Variants in PLXNA1 observed in about 807,000 individuals in gnomAD.
The protein encoded by PLXNA1 is plexin A1.
Under a neutral mutation model 191.7 loss-of-function variants are expected in PLXNA1, and 77 were observed. That is an observed-to-expected ratio of 0.40 (90% CI 0.33 to 0.49). The LOEUF is 0.49. Ranked by LOEUF, PLXNA1 falls within the 20% of genes least tolerant of loss-of-function variation. PLXNA1 has a pLI of 0.63. For synonymous variants in PLXNA1, 1,137 were observed against 1,156.4 expected (o/e 0.98, Z 0.34); for missense variants, 2,110 against 2,660.2 (o/e 0.79, Z 4.55).
chr3:126,997,123 G>A (rs951517066), intron 3 of PLXNA1, among the ~76,000 whole-genome samples: 8 of 152,190 alleles, frequency 5.3e-5, no homozygotes, highest in African/African-American at 1.7e-4. Context: ...GCTGTGGTGC[G>A]TGCCATGTCC....
intron 4 of PLXNA1, 26 bp from the exon 5 acceptor site, chr3:127,004,585 G>T: frequency 6.5e-7 from 1 of 1,529,064 alleles, no homozygotes. Context: ...TGGTACTGGA[G>T]GGGCCTGACA....
intron 23 of PLXNA1, among the ~76,000 whole-genome samples, chr3:127,025,728 T>C (rs1436864385): frequency 6.6e-6 from 1 of 152,218 alleles, no homozygotes; most frequent in East Asian, 1.9e-4. Context: ...CTTAATTTCA[T>C]CAGCTTAATG....
At chr3:127,029,171 G>A (rs1168863376) in intron 26 of PLXNA1, 75 bp downstream of exon 26, 2 of 1,193,620 alleles carry the variant, frequency 1.7e-6, no homozygotes. Context: ...ACCAATGTTT[G>A]CAGCATGTGG....
At chr3:126,988,430 C>G (rs2078971709) in intron 1 of PLXNA1, among the ~76,000 whole-genome samples, 91 bp from the exon 2 acceptor site, 1 of 152,236 alleles carries the variant, frequency 6.6e-6, no homozygotes, top group Admixed American at 6.5e-5. Context: ...AGTGGGCACG[C>G]CCAGCACTGG....
At chr3:127,010,035 C>G (rs9853775) in intron 9 of PLXNA1, among the ~76,000 whole-genome samples, 5,137 of 152,280 alleles carry the variant, frequency 0.034, 294 homozygotes, top group African/African-American at 0.11. Context: ...TCTATAGACT[C>G]CTTGCTTGAA....
In PLXNA1 at chr3:127,030,416, A is replaced by T; in HGVS notation, c.5231+4A>T. On this transcript the variant is annotated splice_donor_region_variant and intron_variant, in intron 29 of 31. Coordinates refer to ENST00000393409, the MANE Select transcript of PLXNA1 (RefSeq NM_032242.4). Reference sequence around the variant, plus strand: ...GCCACACCTGGAAGAGCAACTGGTAATGCAGGGCAGGGGGAGGAGGGGCAT... The same window carrying T: ...GCCACACCTGGAAGAGCAACTGGTATTGCAGGGCAGGGGGAGGAGGGGCAT... 3 of 1,613,676 alleles carry T rather than the reference A, an allele frequency of 1.9e-6. No individual in the cohort carries two copies. Among genetic ancestry groups the T allele is most frequent in the South Asian group, 2.2e-5 (2 of 91,072 alleles).
intron 1 of PLXNA1, among the ~76,000 whole-genome samples, chr3:126,983,647 AGCTCCGGGGTGGCGGGGGGCGGGC>A (rs2078942832): frequency 6.7e-6 from 1 of 149,510 alleles, no homozygotes; most frequent in African/African-American, 2.4e-5. Flanking sequence ...GCCCCGCGGC[AGCTCCGGGGTGGCGGGGGGCGGGC>A]GCTGCCCCTC....
At chr3:127,017,071 C>CAGGTGA in intron 17 of PLXNA1, 34 bp downstream of exon 17, 1 of 1,570,526 alleles carries the variant, frequency 6.4e-7, no homozygotes, top group Non-Finnish European at 8.7e-7. Flanking sequence ...CACCTCGGTC[C>CAGGTGA]AGGCCTTCAC....
At chr3:127,012,663 G>T (rs73196554) in intron 10 of PLXNA1, among the ~76,000 whole-genome samples, 12 of 152,236 alleles carry the variant, frequency 7.9e-5, no homozygotes, top group Admixed American at 7.8e-4. Context: ...ACTAGCAGAC[G>T]GTTGTTGCCT....
In PLXNA1 at chr3:127,018,410, C is replaced by A; in HGVS notation, c.3777C>A (p.Val1259=). ...GAGGCGGGGGTCTCCTGCTGCTGGTCATCGTGGCTGTGCTCATCGCCTACA... is the reference window on the plus strand; with the variant it reads ...GAGGCGGGGGTCTCCTGCTGCTGGTAATCGTGGCTGTGCTCATCGCCTACA... ...IGGGGGLLLL[V]IVAVLIAYKR... Residue 1259 remains valine, a synonymous_variant, in exon 20 of 32, where the codon GTC becomes GTA. Transcript: ENST00000393409. The A allele has an allele frequency of 6.2e-7, 1 of 1,613,086 alleles. No homozygotes were observed. The highest frequency in any genetic ancestry group is 1.1e-5 in the South Asian group (1 of 91,078).
At chr3:127,005,356 C>T (rs1287172119) in intron 7 of PLXNA1, 113 bp downstream of exon 7, 1 of 1,313,366 alleles carries the variant, frequency 7.6e-7, no homozygotes, top group Non-Finnish European at 1.0e-6. Flanking sequence ...GTTGGTGACA[C>T]TCTGACAGCT....
chr3:127,032,412 G>A lies in PLXNA1; in HGVS notation c.5257G>A (p.Val1753Met), dbSNP rs757092586. ...NCLPLRFWVN[V>M]IKNPQFVFDI... ...CCTGCCCCTGCGCTTCTGGGTGAAC[G>A]TGATCAAGAACCCACAGTTTGTGTT... The change falls in exon 30 of 32, where the codon GTG becomes ATG. Residue 1753 changes from valine to methionine, a missense_variant. Val to Met is a conservative substitution (Grantham distance 21). Around this residue, in one of 4 missense-constraint regions of PLXNA1, gnomAD observed 559 missense variants for 911.5 expected, o/e 0.61. Transcript: ENST00000393409. 7 of 1,613,862 alleles carry A rather than the reference G, an allele frequency of 4.3e-6. No individual in the cohort carries two copies. The highest frequency in any genetic ancestry group is 1.1e-5 in the South Asian group (1 of 91,068).
At chr3:127,019,983 T>G (rs1366179358) in intron 20 of PLXNA1, among the ~76,000 whole-genome samples, 2 of 152,198 alleles carry the variant, frequency 1.3e-5, no homozygotes, top group Non-Finnish European at 2.9e-5. Flanking sequence ...TCTCTGCCCT[T>G]GTCTTGCTTG....
chr3:127,006,038 G>C (rs12489348), intron 7 of PLXNA1, 41 bp from the exon 8 acceptor site: 1,011,929 of 1,525,988 alleles, frequency 0.66, 341,881 homozygotes, highest in Non-Finnish European at 0.69. Context: ...TGGGAGTCCT[G>C]GGCAAGCAGT....
At chr3:126,997,106 G>A (rs1369451308) in intron 3 of PLXNA1, among the ~76,000 whole-genome samples, 1 of 152,204 alleles carries the variant, frequency 6.6e-6, no homozygotes, top group East Asian at 1.9e-4. Context: ...CTTCCTTACT[G>A]TGGGCAGCTG....
chr3:127,028,395 G>T, intron 25 of PLXNA1, 55 bp downstream of exon 25: 1 of 1,560,766 alleles, frequency 6.4e-7, no homozygotes, highest in Non-Finnish European at 8.6e-7. Context: ...GAGGGGCAGG[G>T]CCATGGCCTA....
At chr3:127,033,218 A>G (rs1345657685) in intron 31 of PLXNA1, among the ~76,000 whole-genome samples, 1 of 152,090 alleles carries the variant, frequency 6.6e-6, no homozygotes, top group South Asian at 2.1e-4. Context: ...TCCTTTCAGT[A>G]TCTTTTCTGC....
Position 127,034,326 on chromosome 3 carries a change from A to G in PLXNA1, c.*309A>G. On this transcript the variant is annotated 3_prime_UTR_variant, in exon 32 of 32. Transcript: ENST00000393409. ...GCTGCCCAGTGGCCTTCATGGGAGA[A>G]GGGCTGACCTCTGAGGGGCTGAGGG... The G allele has an allele frequency of 3.4e-6, 1 of 294,836 alleles. No individual in the cohort carries two copies. The highest frequency in any genetic ancestry group is 1.0e-4 in the South Asian group (1 of 9,948). The allele number at this position is 294,836 out of a possible 1,614,324, so 18.3% of individuals were successfully genotyped here.
chr3:126,994,638 G>A (rs747653341), intron 3 of PLXNA1, among the ~76,000 whole-genome samples: 11 of 152,282 alleles, frequency 7.2e-5, no homozygotes, highest in East Asian at 1.9e-4. Flanking sequence ...CTTGCTCCCC[G>A]CTGGCCACAC....
Sources: gnomAD v4.1 joint callset for allele counts (sites outside exome capture counted in the v4.1 genomes callset) on GRCh38, gnomAD v4.1.1 for gene constraint, gnomAD v4.1.1 regional missense constraint, MANE v1.5 for transcripts, NCBI Gene and HGNC (gene_info 2026-07-23, HGNC 2026-07-21) for gene names.